Variants in PCDHGA4 observed in about 807,000 individuals in gnomAD.
PCDHGA4 encodes protocadherin gamma-A4.
PCDHGA4 carries 38 observed loss-of-function variants against 54.6 expected under a neutral mutation model. That is an observed-to-expected ratio of 0.70 (90% CI 0.54 to 0.91). The LOEUF is 0.91. Among genes scored for constraint, PCDHGA4 ranks in the 40% least tolerant of loss-of-function variants. The probability of loss-of-function intolerance (pLI) is 0.00; values close to 1 mark genes in which losing one functional copy is unlikely to be tolerated. For missense variants in PCDHGA4, 1,298 were observed against 1,220.9 expected (o/e 1.06, Z -0.94); for synonymous variants, 511 against 512.9 (o/e 1.00, Z 0.05).
intron 1 of PCDHGA4, chr5:141,383,173 C>A (rs1481900327): frequency 1.2e-6 from 2 of 1,614,064 alleles, no homozygotes; most frequent in South Asian, 1.1e-5. Context: ...CAGGATAGAC[C>A]GGGAAGAGAT....
At chr5:141,469,552 C>T (rs956606902) in intron 1 of PCDHGA4, among the ~76,000 whole-genome samples, 3 of 151,910 alleles carry the variant, frequency 2.0e-5, no homozygotes, top group Non-Finnish European at 4.4e-5. Flanking sequence ...TCCAGCCTGG[C>T]GACAGAGTGA....
rs376001893 is a variant in PCDHGA4 at position 141,388,827 on chromosome 5, A to G, written c.2514+31206A>G. ...TTTTGAAGAAGTCAAAGAATATTCC[A>G]TAGTTTTGGAAGCAAGGGACGGTGG... On this transcript the variant is annotated intron_variant, in intron 1 of 3. Coordinates refer to ENST00000571252, the MANE Select transcript of PCDHGA4 (RefSeq NM_018917.4). The G allele has an allele frequency of 9.9e-6, 16 of 1,614,024 alleles. No homozygotes were observed. The African/African-American group carries it at 1.7e-4, about 17-fold the overall frequency.
chr5:141,415,885 C>A (rs778154458), intron 1 of PCDHGA4: 7 of 978,904 alleles, frequency 7.2e-6, no homozygotes, highest in Non-Finnish European at 9.6e-6. Context: ...ACAATATTGA[C>A]AATTCCTAAG....
intron 1 of PCDHGA4, among the ~76,000 whole-genome samples, chr5:141,463,570 T>A (rs557041487): frequency 2.7e-5 from 4 of 146,586 alleles, no homozygotes; most frequent in Middle Eastern, 3.5e-3. Context: ...TGCCTCAGCC[T>A]CCCGAGTAGC....
At chr5:141,447,082 T>C (rs1259827606) in intron 1 of PCDHGA4, among the ~76,000 whole-genome samples, 3 of 152,156 alleles carry the variant, frequency 2.0e-5, no homozygotes, top group Non-Finnish European at 2.9e-5. Context: ...ATTTTTGTTG[T>C]TTAATTTTCT....
intron 1 of PCDHGA4, among the ~76,000 whole-genome samples, chr5:141,449,199 A>T (rs927587807): frequency 3.3e-5 from 5 of 152,190 alleles, no homozygotes; most frequent in Admixed American, 2.6e-4. Flanking sequence ...AGAAGTGTTA[A>T]TTCTAACTTT....
At chr5:141,418,898 A>G (rs768409383) in intron 1 of PCDHGA4, 2 of 1,614,016 alleles carry the variant, frequency 1.2e-6, no homozygotes, top group South Asian at 2.2e-5. Flanking sequence ...CAGCCCAGAA[A>G]TAATCATCAC....
At position 141,491,899 on chromosome 5, in the gene PCDHGA4, G is replaced by A; in HGVS notation, c.2515-2908G>A. The A allele has an allele frequency of 7.0e-7, 1 of 1,433,322 alleles. No homozygotes were observed. Among genetic ancestry groups the A allele is most frequent in the South Asian group, 1.5e-5 (1 of 67,156 alleles). The allele number at this position is 1,433,322 out of a possible 1,614,324, so 88.8% of individuals were successfully genotyped here. A position where few individuals can be genotyped will look rare whatever the true frequency, so the allele number is the denominator to read the frequency against. On this transcript the variant is annotated intron_variant, in intron 1 of 3. Coordinates refer to ENST00000571252, the MANE Select transcript of PCDHGA4 (RefSeq NM_018917.4). The surrounding 1 kb of genome is among the most constrained non-coding windows in gnomAD (Gnocchi z 6.9). ...TTAAGGGATGGGGCTCCGAGCACCG[G>A]GGGTGGTGGCGACTGTGGGCGAGGG... is the stretch of plus-strand genomic sequence containing the variant.
chr5:141,374,683 G>A (rs757439486), intron 1 of PCDHGA4: 3 of 1,609,586 alleles, frequency 1.9e-6, no homozygotes, highest in South Asian at 2.2e-5. Flanking sequence ...AGGGCACACT[G>A]GACCGGGAAG....
At chr5:141,502,406 T>G (rs1390520101) in intron 2 of PCDHGA4, among the ~76,000 whole-genome samples, 1 of 152,072 alleles carries the variant, frequency 6.6e-6, no homozygotes, top group African/African-American at 2.4e-5. Context: ...TCCCCGAACC[T>G]GGATTTGCTG....
Position 141,491,713 on chromosome 5 carries a change from G to A in PCDHGA4, c.2515-3094G>A. On this transcript the variant is annotated intron_variant, in intron 1 of 3. Transcript: ENST00000571252. This position sits in a 1 kb window ranked among gnomAD's most constrained non-coding sequence, Gnocchi z 6.9. ...GGAGCGGAGCCAGGTGAGGGGCTCG[G>A]CGCCGCCCCGGGCGACCCCTGGGGG... The A allele has an allele frequency of 1.9e-6, 3 of 1,609,174 alleles. No individual in the cohort carries two copies. Among genetic ancestry groups the A allele is most frequent in the Non-Finnish European group, 2.5e-6 (3 of 1,178,054 alleles).
chr5:141,375,952 G>A (rs1032808913), intron 1 of PCDHGA4: 2 of 1,613,396 alleles, frequency 1.2e-6, no homozygotes, highest in Non-Finnish European at 1.7e-6. Context: ...GCCTGCACAC[G>A]GGCGAGGTGC....
intron 1 of PCDHGA4, among the ~76,000 whole-genome samples, chr5:141,407,816 ATAT>A (rs1270765996): frequency 6.6e-6 from 1 of 152,228 alleles, no homozygotes; most frequent in Non-Finnish European, 1.5e-5. Context: ...ATCTACTATA[ATAT>A]TATGGTGAGA....
chr5:141,403,929 G>A (rs1203236737), intron 1 of PCDHGA4: 5 of 1,613,854 alleles, frequency 3.1e-6, no homozygotes, highest in Non-Finnish European at 4.2e-6. Context: ...GATGGTGGGG[G>A]ATTGAAAGGG....
chr5:141,396,951 A>G (rs1444720599), intron 1 of PCDHGA4, among the ~76,000 whole-genome samples: 1 of 152,210 alleles, frequency 6.6e-6, no homozygotes, highest in African/African-American at 2.4e-5. Flanking sequence ...TAGGAAAGAA[A>G]ATCCTTACTC....
chr5:141,498,284 G>A (rs1339639509), intron 2 of PCDHGA4, among the ~76,000 whole-genome samples: 1 of 152,004 alleles, frequency 6.6e-6, no homozygotes, highest in Non-Finnish European at 1.5e-5. Flanking sequence ...CTTGGTTCAA[G>A]ATCAAGCCAG....
chr5:141,371,887 C>A (rs372336757), intron 1 of PCDHGA4: 2 of 1,613,424 alleles, frequency 1.2e-6, no homozygotes, highest in Non-Finnish European at 1.7e-6. Flanking sequence ...GACCTGGAGC[C>A]GCGGGAGCTG....
At chr5:141,461,892 C>T (rs976827774) in intron 1 of PCDHGA4, among the ~76,000 whole-genome samples, 2 of 152,030 alleles carry the variant, frequency 1.3e-5, no homozygotes, top group Non-Finnish European at 2.9e-5. Context: ...GGCACGATCT[C>T]GGCTCACTGC....
chr5:141,368,946 T>C (rs1330631003), intron 1 of PCDHGA4, among the ~76,000 whole-genome samples: 1 of 152,202 alleles, frequency 6.6e-6, no homozygotes, highest in Non-Finnish European at 1.5e-5. Context: ...CTGGTTACTG[T>C]GAGTAGTTTA....
Sources: allele counts gnomAD v4.1 joint callset (sites outside exome capture counted in the v4.1 genomes callset), GRCh38; gene constraint gnomAD v4.1.1; non-coding constraint Gnocchi (gnomAD v3.1); transcripts MANE v1.5; gene names NCBI Gene and HGNC (gene_info 2026-07-23, HGNC 2026-07-21).